Variants in KAT6B observed in about 807,000 individuals in gnomAD.
KAT6B encodes the protein histone acetyltransferase KAT6B.
A neutral mutation model predicts 187.5 loss-of-function variants in KAT6B; 10 were observed. The observed-to-expected ratio is 0.05, with a 90% CI of 0.03 to 0.09. The LOEUF (loss-of-function observed/expected upper bound fraction) is 0.09, where lower values mean the gene tolerates loss of function less well. Ranked by LOEUF, KAT6B falls within the 10% of genes least tolerant of loss-of-function variation. The probability of loss-of-function intolerance (pLI) is 1.00; values close to 1 mark genes in which losing one functional copy is unlikely to be tolerated. For synonymous variants in KAT6B, 861 were observed against 926.8 expected (o/e 0.93, Z 1.29); for missense variants, 1,952 against 2,558.9 (o/e 0.76, Z 5.12).
chr10:74,840,616 C>T (rs1841677720), intron 2 of KAT6B, among the ~76,000 whole-genome samples: 1 of 152,134 alleles, frequency 6.6e-6, no homozygotes, highest in African/African-American at 2.4e-5. Flanking sequence ...AATGTAAAGA[C>T]TCATTGCCCA....
At chr10:75,012,339 C>T (rs535585917) in intron 13 of KAT6B, among the ~76,000 whole-genome samples, 19 of 152,126 alleles carry the variant, frequency 1.2e-4, no homozygotes, top group African/African-American at 4.1e-4. Context: ...CCCAGCTACT[C>T]GGGAGGCTGA....
At chr10:75,004,646 G>T (rs181748870) in intron 13 of KAT6B, among the ~76,000 whole-genome samples, 3 of 152,286 alleles carry the variant, frequency 2.0e-5, no homozygotes, top group Non-Finnish European at 4.4e-5. Context: ...AGGAGGAAAT[G>T]CTTCCAACTC....
Position 74,905,604 on chromosome 10 carries a change from C to G in KAT6B, c.622-54366C>G, listed in dbSNP as rs187786234. On this transcript the variant is annotated intron_variant, in intron 3 of 17. Transcript: ENST00000287239. ...CCCATTTAACTCAGTCTGCCAGACTCTGTTTTCTTGTCTGTAAAATGAGGG... is the reference window on the plus strand; with the variant it reads ...CCCATTTAACTCAGTCTGCCAGACTGTGTTTTCTTGTCTGTAAAATGAGGG... Among the ~76,000 whole-genome samples, 28 of 152,236 alleles carry G rather than the reference C, an allele frequency of 1.8e-4. No homozygotes were observed. In the East Asian group the frequency reaches 5.4e-3, roughly 29 times the overall value.
chr10:74,996,472 T>G (rs78267103), intron 13 of KAT6B, among the ~76,000 whole-genome samples: 1 of 152,098 alleles, frequency 6.6e-6, no homozygotes, highest in Non-Finnish European at 1.5e-5. Context: ...CAGAAACACT[T>G]AAAAAGCTAG....
chr10:74,937,833 A>G (rs1849370366), intron 3 of KAT6B, among the ~76,000 whole-genome samples: 3 of 152,228 alleles, frequency 2.0e-5, no homozygotes, highest in South Asian at 4.1e-4. Context: ...TACTGCTATG[A>G]TAACTACTAC....
At chr10:74,886,247 T>C (rs1845257116) in intron 3 of KAT6B, among the ~76,000 whole-genome samples, 2 of 152,134 alleles carry the variant, frequency 1.3e-5, no homozygotes, top group Admixed American at 1.3e-4. Context: ...GGGATTGGAA[T>C]TTTCCCAGGT....
chr10:74,868,942 C>T (rs549864308), intron 3 of KAT6B, among the ~76,000 whole-genome samples: 1 of 152,298 alleles, frequency 6.6e-6, no homozygotes, highest in South Asian at 2.1e-4. Context: ...CTCATGCTCC[C>T]TTCTGCCCTG....
intron 11 of KAT6B, 155 bp from the exon 12 acceptor site, chr10:74,984,925 G>C (rs1842724976): frequency 1.4e-6 from 1 of 704,364 alleles, no homozygotes; most frequent in African/African-American, 1.8e-5. Context: ...GCTGTTTTCT[G>C]GTTAAAGCTG....
intron 3 of KAT6B, among the ~76,000 whole-genome samples, chr10:74,945,519 A>G (rs932352461): frequency 6.6e-6 from 1 of 152,158 alleles, no homozygotes; most frequent in Non-Finnish European, 1.5e-5. Flanking sequence ...GCTGGAGTGC[A>G]GTGGTGCATC....
At chr10:74,924,888 A>C (rs1279299128) in intron 3 of KAT6B, among the ~76,000 whole-genome samples, 1 of 151,886 alleles carries the variant, frequency 6.6e-6, no homozygotes, top group South Asian at 2.1e-4. Flanking sequence ...TCAGTTTGCT[A>C]TACTGAATTT....
chr10:74,872,958 A>G (rs934030956), intron 3 of KAT6B, among the ~76,000 whole-genome samples: 1 of 152,176 alleles, frequency 6.6e-6, no homozygotes, highest in Admixed American at 6.5e-5. Flanking sequence ...TCTTATATCA[A>G]TGTTAAGTGT....
intron 3 of KAT6B, among the ~76,000 whole-genome samples, chr10:74,944,655 A>G (rs1849970179): frequency 6.6e-6 from 1 of 151,908 alleles, no homozygotes; most frequent in Admixed American, 6.6e-5. Context: ...TAAATATACA[A>G]AAAATTAGCC....
rs1300182801 is a variant in KAT6B at position 74,843,420 on chromosome 10, C to T, written c.563C>T (p.Pro188Leu). ...SLDGKGAPQYPSAFPSSLPPV... is the reference protein window; with the variant it reads ...SLDGKGAPQYLSAFPSSLPPV... ...GATGGCAAAGGGGCACCTCAGTATC[C>T]CAGTGCATTCCCATCCTCGCTCCCA... is the stretch of plus-strand genomic sequence containing the variant. The change falls in exon 3 of 18, where the codon CCC becomes CTC. Residue 188 changes from proline to leucine, a missense_variant. Physicochemically the swap from Pro to Leu is moderately conservative, Grantham distance 98. This residue lies in a region of KAT6B where 218 missense variants were observed against 282.6 expected (regional missense o/e 0.77). Transcript: ENST00000287239. 1 of 1,613,964 alleles carries T rather than the reference C, an allele frequency of 6.2e-7. No homozygotes were observed. The highest frequency in any genetic ancestry group is 1.7e-5 in the Admixed American group (1 of 60,002).
intron 4 of KAT6B, among the ~76,000 whole-genome samples, chr10:74,965,342 C>G (rs913470011): frequency 6.6e-6 from 1 of 152,152 alleles, no homozygotes; most frequent in Non-Finnish European, 1.5e-5. Context: ...CTAGATTCTC[C>G]CATATCCCTA....
chr10:74,955,723 A>C (rs1286510604), intron 3 of KAT6B, among the ~76,000 whole-genome samples: 1 of 152,194 alleles, frequency 6.6e-6, no homozygotes, highest in East Asian at 1.9e-4. Context: ...CTACATAATC[A>C]GAATTATGTT....
At chr10:75,002,437 A>G (rs953900364) in intron 13 of KAT6B, among the ~76,000 whole-genome samples, 4 of 152,066 alleles carry the variant, frequency 2.6e-5, no homozygotes, top group African/African-American at 9.7e-5. Flanking sequence ...ATAAACTTGC[A>G]TAGGTCTTTT....
intron 2 of KAT6B, among the ~76,000 whole-genome samples, chr10:74,841,024 A>G (rs1014512801): frequency 6.6e-6 from 1 of 152,330 alleles, no homozygotes; most frequent in Non-Finnish European, 1.5e-5. Context: ...AAGTATATAG[A>G]TGTTGCATTT....
chr10:74,854,784 G>C (rs904707379), intron 3 of KAT6B, among the ~76,000 whole-genome samples: 6 of 152,188 alleles, frequency 3.9e-5, no homozygotes, highest in African/African-American at 1.2e-4. Context: ...CTGGTCAACA[G>C]ATGTTTTGGC....
In KAT6B at chr10:75,020,703, CCAT is replaced by C. The variant is rs1378595149; in HGVS notation, c.2752_2754del (p.His918del). The C allele has an allele frequency of 4.3e-6, 7 of 1,613,936 alleles. No individual in the cohort carries two copies. Among genetic ancestry groups the C allele is most frequent in the South Asian group, 1.1e-5 (1 of 91,062 alleles). ...TCATCTTGGAGTATCTCTACCACCA[CCAT>C]GAGAGGCACATCAGCATCAAGGCAA... On this transcript the variant is annotated inframe_deletion, in exon 14 of 18. Transcript: ENST00000287239.
Sources: gnomAD v4.1 joint callset for allele counts (sites outside exome capture counted in the v4.1 genomes callset) on GRCh38, gnomAD v4.1.1 for gene constraint, gnomAD v4.1.1 regional missense constraint, MANE v1.5 for transcripts, NCBI Gene and HGNC (gene_info 2026-07-23, HGNC 2026-07-21) for gene names.